Variants in GABRA2 observed in about 807,000 individuals in gnomAD.
The protein encoded by GABRA2 is gamma-aminobutyric acid receptor subunit alpha-2.
GABRA2 carries 16 observed loss-of-function variants against 48.7 expected under a neutral mutation model. The ratio of observed to expected loss-of-function variants is 0.33; its 90% confidence interval spans 0.22 to 0.50. The LOEUF (loss-of-function observed/expected upper bound fraction) is 0.50, where lower values mean the gene tolerates loss of function less well. Ranked by LOEUF, GABRA2 falls within the 20% of genes least tolerant of loss-of-function variation. The pLI is 0.98. For synonymous variants in GABRA2, 185 were observed against 184.5 expected (o/e 1.00, Z -0.02); for missense variants, 275 against 535.6 (o/e 0.51, Z 4.80).
At chr4:46,354,726 T>G (rs554979497) in intron 3 of GABRA2, among the ~76,000 whole-genome samples, 1 of 152,270 alleles carries the variant, frequency 6.6e-6, no homozygotes, top group South Asian at 2.1e-4. Context: ...AGCTACTTAC[T>G]CTCTTGATTC....
chr4:46,389,934 C>T lies in GABRA2; in HGVS notation c.-210G>A, dbSNP rs1347821580. On this transcript the variant is annotated 5_prime_UTR_variant, in exon 1 of 10. Coordinates refer to ENST00000381620, the MANE Select transcript of GABRA2 (RefSeq NM_000807.4). ...AGCCGGAGAGGAGCGCTAGGAGCCG[C>T]GGCGGCGGCGCGAGGTGTAGAAGGA... The T allele has an allele frequency of 2.0e-6, 2 of 985,670 alleles. No individual in the cohort carries two copies. Among genetic ancestry groups the T allele is most frequent in the Non-Finnish European group, 2.4e-6 (2 of 831,522 alleles). 61.1% of individuals were successfully genotyped at this position (985,670 alleles called of 1,614,324 possible). A position where few individuals can be genotyped will look rare whatever the true frequency, so the allele number is the denominator to read the frequency against.
At chr4:46,304,533 G>C (rs1726302556) in intron 7 of GABRA2, among the ~76,000 whole-genome samples, 1 of 151,840 alleles carries the variant, frequency 6.6e-6, no homozygotes, top group South Asian at 2.1e-4. Context: ...CCTTCAGAGA[G>C]GGAATCAGCT....
At chr4:46,322,899 A>G (rs549011863) in intron 4 of GABRA2, among the ~76,000 whole-genome samples, 1 of 152,028 alleles carries the variant, frequency 6.6e-6, no homozygotes, top group Non-Finnish European at 1.5e-5. Context: ...GCAGGTGTCA[A>G]GTGACTTTCA....
intron 8 of GABRA2, among the ~76,000 whole-genome samples, chr4:46,271,455 C>A (rs1254181571): frequency 6.6e-6 from 1 of 151,876 alleles, no homozygotes; most frequent in Non-Finnish European, 1.5e-5. Context: ...ACCCTATCCC[C>A]CAAATAAAGT....
intron 4 of GABRA2, among the ~76,000 whole-genome samples, chr4:46,331,557 G>A (rs1376500202): frequency 1.3e-5 from 2 of 152,024 alleles, no homozygotes; most frequent in Non-Finnish European, 2.9e-5. Flanking sequence ...TCAGAGAAAG[G>A]GAAGAATTTC....
chr4:46,295,511 T>G (rs1335180677), intron 8 of GABRA2, among the ~76,000 whole-genome samples: 3 of 152,330 alleles, frequency 2.0e-5, no homozygotes, highest in Non-Finnish European at 2.9e-5. Flanking sequence ...ATCTTGTCTA[T>G]GGACACCACC....
At chr4:46,257,378 A>T (rs1388034436) in intron 9 of GABRA2, among the ~76,000 whole-genome samples, 1 of 151,576 alleles carries the variant, frequency 6.6e-6, no homozygotes, top group East Asian at 1.9e-4. Context: ...AGAGGCATGG[A>T]TGTTTGGGAA....
intron 8 of GABRA2, among the ~76,000 whole-genome samples, chr4:46,280,985 C>T (rs1221603091): frequency 2.0e-5 from 3 of 152,158 alleles, no homozygotes; most frequent in Non-Finnish European, 4.4e-5. Flanking sequence ...CCCTGATCAT[C>T]GACTTCCAGT....
intron 8 of GABRA2, among the ~76,000 whole-genome samples, chr4:46,300,696 A>G (rs1447876564): frequency 1.3e-5 from 2 of 152,044 alleles, no homozygotes; most frequent in Non-Finnish European, 2.9e-5. Context: ...TATTTTATTA[A>G]TAGCAACACT....
chr4:46,356,591 T>G (rs562788131), intron 3 of GABRA2, among the ~76,000 whole-genome samples: 2 of 152,278 alleles, frequency 1.3e-5, no homozygotes, highest in East Asian at 3.9e-4. Flanking sequence ...TAAAAATCAC[T>G]TCTGAGATTC....
intron 3 of GABRA2, among the ~76,000 whole-genome samples, chr4:46,356,928 C>T (rs1184634398): frequency 6.6e-6 from 1 of 151,518 alleles, no homozygotes; most frequent in Non-Finnish European, 1.5e-5. Flanking sequence ...TTGCCACTTT[C>T]TCTGATTTAA....
At chr4:46,270,133 T>C (rs1190053547) in intron 8 of GABRA2, among the ~76,000 whole-genome samples, 7 of 152,028 alleles carry the variant, frequency 4.6e-5, no homozygotes, top group Admixed American at 4.6e-4. Flanking sequence ...CAATGAAACA[T>C]TACAGCAATT....
chr4:46,273,524 T>TGCATATATATATATATATATAC (rs756735267), intron 8 of GABRA2, among the ~76,000 whole-genome samples: 1 of 36,696 alleles, frequency 2.7e-5, no homozygotes, highest in African/African-American at 1.2e-4. Context: ...TATATATATA[T>TGCATATATATATATATATATAC]ATATATATAT....
chr4:46,256,714 T>C (rs1268138881), intron 9 of GABRA2, among the ~76,000 whole-genome samples: 2 of 151,644 alleles, frequency 1.3e-5, no homozygotes, highest in African/African-American at 2.4e-5. Context: ...ATTTCTATTT[T>C]ATTTAATTAT....
At chr4:46,317,912 A>G (rs1448138383) in intron 4 of GABRA2, among the ~76,000 whole-genome samples, 2 of 151,802 alleles carry the variant, frequency 1.3e-5, no homozygotes, top group African/African-American at 4.8e-5. Flanking sequence ...TGATAGTATC[A>G]GATCATTGCA....
intron 8 of GABRA2, among the ~76,000 whole-genome samples, chr4:46,285,109 C>A (rs1015756894): frequency 6.6e-6 from 1 of 150,976 alleles, no homozygotes; most frequent in African/African-American, 2.4e-5. Context: ...CAGGTCTTAG[C>A]ATTTTTGTTT....
intron 3 of GABRA2, among the ~76,000 whole-genome samples, chr4:46,379,677 A>G (rs184668404): frequency 6.8e-4 from 103 of 152,278 alleles, no homozygotes; most frequent in African/African-American, 2.4e-3. Flanking sequence ...CTGAGTCTGA[A>G]AGGCAGAGAG....
chr4:46,377,751 C>T (rs1403879563), intron 3 of GABRA2, among the ~76,000 whole-genome samples: 13 of 140,106 alleles, frequency 9.3e-5, no homozygotes, highest in Non-Finnish European at 1.1e-4. Flanking sequence ...GCCCCCCGCC[C>T]GGCCAGCCGC....
intron 2 of GABRA2, among the ~76,000 whole-genome samples, chr4:46,388,145 T>C (rs1392858584): frequency 6.6e-6 from 1 of 152,096 alleles, no homozygotes; most frequent in Non-Finnish European, 1.5e-5. Context: ...TGAAGTTGTA[T>C]ACTACCTCCA....
Sources: allele counts gnomAD v4.1 joint callset (sites outside exome capture counted in the v4.1 genomes callset), GRCh38; gene constraint gnomAD v4.1.1; transcripts MANE v1.5; gene names NCBI Gene and HGNC (gene_info 2026-07-23, HGNC 2026-07-21).